The following EPHA5 variants were observed in gnomAD, a reference collection of about 807,000 sequenced individuals.
EPHA5 encodes the protein ephrin type-A receptor 5.
Under a neutral mutation model 105.0 loss-of-function variants are expected in EPHA5, and 60 were observed. That is an observed-to-expected ratio of 0.57 (90% CI 0.46 to 0.71). The LOEUF is 0.71. EPHA5 is among the 30% of genes least tolerant of loss of function. EPHA5 has a pLI of 0.00. For missense variants in EPHA5, 1,218 were observed against 1,274.7 expected, an observed-to-expected ratio of 0.96 and a Z score of 0.68; for synonymous variants, 513 against 449.1, an observed-to-expected ratio of 1.14 and a Z score of -1.80.
At chr4:65,630,971 T>C (rs1241951781) in intron 2 of EPHA5, among the ~76,000 whole-genome samples, 1 of 152,180 alleles carries the variant, frequency 6.6e-6, no homozygotes, top group African/African-American at 2.4e-5. Flanking sequence ...ATACTTCCTC[T>C]ATATCCTGAC....
chr4:65,655,412 C>A (rs1436294862), intron 1 of EPHA5, among the ~76,000 whole-genome samples: 1 of 151,980 alleles, frequency 6.6e-6, no homozygotes, highest in East Asian at 1.9e-4. Context: ...AACTACCAAC[C>A]CAAGTAATTC....
At chr4:65,431,818 A>T (rs1189906421) in intron 5 of EPHA5, among the ~76,000 whole-genome samples, 2 of 152,138 alleles carry the variant, frequency 1.3e-5, no homozygotes, top group African/African-American at 4.8e-5. Context: ...TACAACCTTG[A>T]GCACAGAGAG....
At chr4:65,390,866 G>A (rs1173327568) in intron 8 of EPHA5, among the ~76,000 whole-genome samples, 1 of 152,020 alleles carries the variant, frequency 6.6e-6, no homozygotes, top group Non-Finnish European at 1.5e-5. Flanking sequence ...AGGAGTAAGA[G>A]ACAGTACGGG....
chr4:65,608,483 G>A (rs555806347), intron 2 of EPHA5, among the ~76,000 whole-genome samples: 1 of 150,484 alleles, frequency 6.6e-6, no homozygotes, highest in African/African-American at 2.5e-5. Flanking sequence ...CAGCTTGGGC[G>A]ACAGAGCGAG....
chr4:65,417,138 T>C (rs1723461768), intron 6 of EPHA5, among the ~76,000 whole-genome samples: 1 of 152,192 alleles, frequency 6.6e-6, no homozygotes, highest in East Asian at 1.9e-4. Context: ...CTGCCTTTAA[T>C]TAAGAGATGG....
intron 3 of EPHA5, among the ~76,000 whole-genome samples, chr4:65,551,276 GTGTGTATA>G (rs1443359130): frequency 6.0e-5 from 6 of 100,608 alleles, no homozygotes; most frequent in African/African-American, 2.4e-4. Context: ...GTGTGTGTGT[GTGTGTATA>G]TATATATATA....
chr4:65,326,257 C>T (rs1486734801), intron 16 of EPHA5, among the ~76,000 whole-genome samples: 1 of 151,012 alleles, frequency 6.6e-6, no homozygotes, highest in African/African-American at 2.4e-5. Context: ...AGCTATAAAA[C>T]ACAGCCAAAT....
At chr4:65,497,012 T>G (rs1001682183) in intron 3 of EPHA5, among the ~76,000 whole-genome samples, 1 of 152,322 alleles carries the variant, frequency 6.6e-6, no homozygotes, top group South Asian at 2.1e-4. Context: ...TATTTCTCAC[T>G]GGCTAATAAA....
intron 11 of EPHA5, among the ~76,000 whole-genome samples, chr4:65,357,382 C>A (rs1220403848): frequency 6.6e-6 from 1 of 151,332 alleles, no homozygotes; most frequent in Non-Finnish European, 1.5e-5. Context: ...TCTACAAATT[C>A]AAAATATTTA....
intron 7 of EPHA5, among the ~76,000 whole-genome samples, chr4:65,409,190 T>C (rs1412370116): frequency 4.4e-5 from 3 of 68,066 alleles, no homozygotes. Context: ...GGGACTGTTG[T>C]GGGGTGGGGG....
intron 8 of EPHA5, 78 bp downstream of exon 8, chr4:65,404,296 G>A: frequency 8.3e-7 from 1 of 1,198,562 alleles, no homozygotes; most frequent in Non-Finnish European, 1.2e-6. Context: ...TTTGGGATGT[G>A]CTCAACAGCC....
intron 8 of EPHA5, among the ~76,000 whole-genome samples, chr4:65,378,182 T>A (rs1050127436): frequency 6.6e-6 from 1 of 151,992 alleles, no homozygotes; most frequent in African/African-American, 2.4e-5. Context: ...ATATTTTAAT[T>A]TGTAGTACTA....
Position 65,427,179 on chromosome 4 carries a change from T to C in EPHA5, c.1403-6614A>G, listed in dbSNP as rs1405058704. 6.3e-5 allele frequency among the ~76,000 whole-genome samples: 8 copies of C among 127,566 alleles called. No homozygotes were observed. The Admixed American group carries it at 8.2e-4, about 13-fold the overall frequency. 83.7% of individuals were successfully genotyped at this position (127,566 alleles called of 152,430 possible). The stretch of plus-strand genomic sequence containing the variant: ...ATGTTTAGTAATTATAAAACTCGAG[T>C]GTATTCTTTTTTTTTTTTTTTTTGA... On this transcript the variant is annotated intron_variant, in intron 5 of 16. Coordinates refer to ENST00000613740, the MANE Select transcript of EPHA5 (RefSeq NM_001281766.3).
intron 1 of EPHA5, among the ~76,000 whole-genome samples, chr4:65,665,072 T>G (rs539106395): frequency 2.2e-4 from 33 of 152,080 alleles, no homozygotes; most frequent in Admixed American, 4.6e-4. Flanking sequence ...TTATCAATAA[T>G]TTGTTCAGCA....
chr4:65,402,330 T>G (rs894193819), intron 8 of EPHA5, among the ~76,000 whole-genome samples: 1 of 152,102 alleles, frequency 6.6e-6, no homozygotes, highest in African/African-American at 2.4e-5. Context: ...ATGGGTGACT[T>G]TGTAGGAATG....
At chr4:65,513,470 T>C (rs1733818903) in intron 3 of EPHA5, among the ~76,000 whole-genome samples, 1 of 152,138 alleles carries the variant, frequency 6.6e-6, no homozygotes, top group Non-Finnish European at 1.5e-5. Flanking sequence ...CACTTCAACC[T>C]CCGTCGCCCA....
intron 2 of EPHA5, among the ~76,000 whole-genome samples, chr4:65,639,950 G>A (rs1356259949): frequency 1.3e-5 from 2 of 151,954 alleles, no homozygotes; most frequent in African/African-American, 4.8e-5. Context: ...TTGATACTTT[G>A]AATTCAATTA....
At chr4:65,458,088 AAAAAAAAAAAG>A (rs1436459072) in intron 5 of EPHA5, among the ~76,000 whole-genome samples, 1 of 151,466 alleles carries the variant, frequency 6.6e-6, no homozygotes, top group African/African-American at 2.4e-5. Flanking sequence ...AAAAAAAAAA[AAAAAAAAAAAG>A]AGTACCTTTT....
chr4:65,620,274 G>A (rs1190822741), intron 2 of EPHA5, among the ~76,000 whole-genome samples: 2 of 151,862 alleles, frequency 1.3e-5, no homozygotes, highest in African/African-American at 2.4e-5. Context: ...GGGAAAACTA[G>A]GCAAGTTAAT....
Sources: gnomAD v4.1 joint callset for allele counts (sites outside exome capture counted in the v4.1 genomes callset) on GRCh38, gnomAD v4.1.1 for gene constraint, MANE v1.5 for transcripts, NCBI Gene and HGNC (gene_info 2026-07-23, HGNC 2026-07-21) for gene names.